Variants in ZNF624 observed in about 807,000 individuals in gnomAD.
ZNF624 encodes zinc finger protein 624.
Under a neutral mutation model 74.7 loss-of-function variants are expected in ZNF624, and 43 were observed. That is an observed-to-expected ratio of 0.58 (90% confidence interval 0.45 to 0.74). The LOEUF (loss-of-function observed/expected upper bound fraction) is 0.74. ZNF624 is among the 30% of genes least tolerant of loss of function. The pLI is 0.00. For missense variants in ZNF624, 820 were observed against 1,030.0 expected (o/e 0.80, Z 2.79); for synonymous variants, 331 against 341.3 (o/e 0.97, Z 0.33).
Position 16,623,877 on chromosome 17 carries a change from A to G in ZNF624, c.1009T>C (p.Cys337Arg). Residue 337 changes from cysteine (C) to arginine (R), a missense_variant, in exon 6 of 6, where the codon TGT (cysteine) becomes CGT (arginine). Coordinates refer to ENST00000311331, the MANE Select transcript of ZNF624 (RefSeq NM_020787.4). This position sits in a 1 kb window ranked among gnomAD's most constrained non-coding sequence, Gnocchi z 5.3. ...TGEKPYKCNE[C>R]GKAFIASSSL... is the part of the protein sequence containing the mutation. ...GAAGAAGCAATGAAGGCCTTTCCAC[A>G]TTCATTACATTTATAGGGTTTTTCT... is the stretch of plus-strand genomic sequence containing the variant. The G allele has an allele frequency of 6.2e-7, 1 of 1,613,926 alleles. No homozygotes were observed. The highest frequency in any genetic ancestry group is 8.5e-7 in the Non-Finnish European group (1 of 1,179,986).
chr17:16,652,097 G>C (rs1406000326), intron 1 of ZNF624, among the ~76,000 whole-genome samples: 1 of 152,200 alleles, frequency 6.6e-6, no homozygotes, highest in African/African-American at 2.4e-5. Flanking sequence ...CAGATACCCT[G>C]AAAGCCCTGA....
intron 3 of ZNF624, among the ~76,000 whole-genome samples, chr17:16,642,638 A>C (rs1909493484): frequency 6.6e-6 from 1 of 152,336 alleles, no homozygotes; most frequent in Non-Finnish European, 1.5e-5. Flanking sequence ...CACCAAAAGC[A>C]CACTAGACAA....
intron 3 of ZNF624, among the ~76,000 whole-genome samples, chr17:16,636,784 C>T (rs904924909): frequency 1.3e-5 from 2 of 151,050 alleles, no homozygotes; most frequent in South Asian, 2.1e-4. Context: ...TGCAGTGAGC[C>T]GAGATTGCGC....
intron 3 of ZNF624, among the ~76,000 whole-genome samples, chr17:16,644,282 T>C (rs1414199980): frequency 6.6e-6 from 1 of 152,228 alleles, no homozygotes; most frequent in Admixed American, 6.5e-5. Flanking sequence ...CTTCTAAGAA[T>C]GTTGAGGGCA....
At chr17:16,647,275 C>T in intron 3 of ZNF624, 54 bp downstream of exon 3, 2 of 1,397,504 alleles carry the variant, frequency 1.4e-6, no homozygotes, top group Non-Finnish European at 2.0e-6. Flanking sequence ...GAATCAGAGG[C>T]AGTAAAATAG....
At chr17:16,651,950 TATA>T (rs1909735514) in intron 1 of ZNF624, among the ~76,000 whole-genome samples, 2 of 152,194 alleles carry the variant, frequency 1.3e-5, no homozygotes, top group African/African-American at 4.8e-5. Context: ...TGTTAAATTA[TATA>T]ATGTTTTAGT....
intron 5 of ZNF624, among the ~76,000 whole-genome samples, chr17:16,632,134 T>C (rs1490014355): frequency 6.6e-6 from 1 of 152,232 alleles, no homozygotes; most frequent in Non-Finnish European, 1.5e-5. Flanking sequence ...TTAGAAACTA[T>C]GGCAGCTATC....
intron 1 of ZNF624, among the ~76,000 whole-genome samples, chr17:16,650,514 A>G (rs1909699540): frequency 6.6e-6 from 1 of 152,118 alleles, no homozygotes; most frequent in Non-Finnish European, 1.5e-5. Context: ...TATACCTAAT[A>G]AAAGTTTTAT....
Position 16,622,560 on chromosome 17 carries a change from C to T in ZNF624, c.2326G>A (p.Gly776Arg). 2 of 1,613,830 alleles carry T rather than the reference C, an allele frequency of 1.2e-6. No individual in the cohort carries two copies. Among genetic ancestry groups the T allele is most frequent in the East Asian group, 4.5e-5 (2 of 44,866 alleles). The change falls in exon 6 of 6, where the codon GGA becomes AGA. Residue 776 changes from glycine to arginine, a missense_variant. Gly to Arg is a moderately radical substitution (Grantham distance 125, BLOSUM62 -2). Transcript: ENST00000311331. ...YLTVHWRTHT[G>R]EKPYTCKECG... ...TCCTTACAGGTGTAGGGTTTTTCTCCAGTGTGTGTTCTCCAATGCACTGTA... is the reference window on the plus strand; with the variant it reads ...TCCTTACAGGTGTAGGGTTTTTCTCTAGTGTGTGTTCTCCAATGCACTGTA...
downstream of ZNF624, among the ~76,000 whole-genome samples, chr17:16,618,801 T>A (rs1259573093): frequency 6.6e-6 from 1 of 152,226 alleles, no homozygotes; most frequent in Non-Finnish European, 1.5e-5. Flanking sequence ...TTAATCATAT[T>A]TTTTCTCTAG....
At chr17:16,637,115 T>C (rs2142617305) in intron 3 of ZNF624, among the ~76,000 whole-genome samples, 1 of 152,268 alleles carries the variant, frequency 6.6e-6, no homozygotes, top group Middle Eastern at 3.4e-3. Flanking sequence ...TGAACTCACA[T>C]TCACAATTGT....
intron 1 of ZNF624, among the ~76,000 whole-genome samples, chr17:16,652,576 T>C (rs191578220): frequency 1.1e-3 from 163 of 152,368 alleles, no homozygotes; most frequent in African/African-American, 3.9e-3. Context: ...TTTTATTTTA[T>C]AATTAGAATA....
rs982404071 is a variant in ZNF624 at position 16,639,083 on chromosome 17, T to A, written c.154-4327A>T. ...GTCAAAGAAGCAGAAGAATCTAGAT[T>A]CAAATCCAAGCAGTCTATATTGAGA... On this transcript the variant is annotated intron_variant, in intron 3 of 5. Transcript: ENST00000311331. Among the ~76,000 whole-genome samples the A allele has an allele frequency of 3.9e-5, 6 of 152,150 alleles. No homozygotes were observed. The East Asian group carries it at 7.7e-4, about 20-fold the overall frequency.
At chr17:16,639,824 G>A (rs1370360340) in intron 3 of ZNF624, among the ~76,000 whole-genome samples, 1 of 152,160 alleles carries the variant, frequency 6.6e-6, no homozygotes, top group African/African-American at 2.4e-5. Flanking sequence ...CCAGAGAGGG[G>A]AGAATCTGAT....
intron 3 of ZNF624, among the ~76,000 whole-genome samples, chr17:16,639,854 T>C (rs1305940815): frequency 1.3e-5 from 2 of 152,206 alleles, no homozygotes; most frequent in Non-Finnish European, 2.9e-5. Context: ...TGCCACATTA[T>C]ATTATTTAAA....
At position 16,623,584 on chromosome 17, in the gene ZNF624, A is replaced by T; in HGVS notation, c.1302T>A (p.His434Gln). Residue 434 changes from histidine to glutamine, a missense_variant, in exon 6 of 6, where the codon CAT becomes CAA. Coordinates refer to ENST00000311331, the MANE Select transcript of ZNF624 (RefSeq NM_020787.4). This position sits in a 1 kb window ranked among gnomAD's most constrained non-coding sequence, Gnocchi z 5.3. ...AFRNKSYLSV[H>Q]QKTHTEEKPY... The stretch of plus-strand genomic sequence containing the variant: ...GTTTCTCTTCAGTGTGGGTCTTCTG[A>T]TGTACACTAAGATATGACTTGTTCC... 1.2e-6 allele frequency: 2 copies of T among 1,611,616 alleles called. No individual in the cohort carries two copies. Among genetic ancestry groups the T allele is most frequent in the Non-Finnish European group, 1.7e-6 (2 of 1,179,236 alleles).
At chr17:16,636,957 G>A (rs540155606) in intron 3 of ZNF624, among the ~76,000 whole-genome samples, 1 of 152,272 alleles carries the variant, frequency 6.6e-6, no homozygotes, top group Non-Finnish European at 1.5e-5. Flanking sequence ...GGTTCAACAT[G>A]TGCAAATCAA....
downstream of ZNF624, chr17:16,617,950 G>A: frequency 3.0e-6 from 3 of 995,864 alleles, no homozygotes; most frequent in Non-Finnish European, 3.1e-6. Flanking sequence ...GCCGCGGTGC[G>A]GGTGCGGGGA....
At chr17:16,633,544 A>G (rs1212790904) in intron 5 of ZNF624, among the ~76,000 whole-genome samples, 1 of 152,236 alleles carries the variant, frequency 6.6e-6, no homozygotes, top group Non-Finnish European at 1.5e-5. Flanking sequence ...AATGAGAAAC[A>G]TGAAGTTAAC....
Sources: gnomAD v4.1 joint callset for allele counts (sites outside exome capture counted in the v4.1 genomes callset) on GRCh38, gnomAD v4.1.1 for gene constraint, Gnocchi (gnomAD v3.1) non-coding constraint, MANE v1.5 for transcripts, NCBI Gene and HGNC (gene_info 2026-07-23, HGNC 2026-07-21) for gene names.